PAK1: variants seen among roughly 807,000 people sequenced by gnomAD.
PAK1 encodes serine/threonine-protein kinase PAK 1.
PAK1 carries 29 observed loss-of-function variants against 67.4 expected under a neutral mutation model. The ratio of observed to expected loss-of-function variants is 0.43; its 90% CI spans 0.32 to 0.59. The LOEUF is 0.59. Ranked by LOEUF, PAK1 falls within the 20% of genes least tolerant of loss-of-function variation. The probability of loss-of-function intolerance (pLI) is 0.07; values close to 1 mark genes in which losing one functional copy is unlikely to be tolerated. For missense variants in PAK1, 337 were observed against 670.7 expected, an observed-to-expected ratio of 0.50 and a Z score of 5.50; for synonymous variants, 223 against 237.4, an observed-to-expected ratio of 0.94 and a Z score of 0.56.
the PAK1 span, among the ~76,000 whole-genome samples, chr11:77,500,413 G>A: frequency 6.6e-6 from 1 of 152,072 alleles, no homozygotes; most frequent in South Asian, 2.1e-4. Context: ...GTTGCAGTGA[G>A]CCGAGATTGT....
intron 14 of PAK1, among the ~76,000 whole-genome samples, chr11:77,325,116 C>G (rs1939467476): frequency 6.6e-6 from 1 of 152,198 alleles, no homozygotes; most frequent in South Asian, 2.1e-4. Flanking sequence ...TTTCTCAGAT[C>G]ACATGTTTCT....
chr11:77,378,991 A>AC (rs1949465432), intron 4 of PAK1, among the ~76,000 whole-genome samples: 1 of 152,200 alleles, frequency 6.6e-6, no homozygotes, highest in African/African-American at 2.4e-5. Flanking sequence ...ACCTTCTAGC[A>AC]TAAAACCTGT....
At chr11:77,338,549 T>C (rs1943094378) in intron 11 of PAK1, among the ~76,000 whole-genome samples, 1 of 152,188 alleles carries the variant, frequency 6.6e-6, no homozygotes, top group African/African-American at 2.4e-5. Flanking sequence ...GGAAACAGTT[T>C]GGCAGTTCCT....
At chr11:77,518,767 CCATT>C in the PAK1 span, among the ~76,000 whole-genome samples, 1 of 152,090 alleles carries the variant, frequency 6.6e-6, no homozygotes, top group Non-Finnish European at 1.5e-5. Context: ...GTAACTTTTC[CCATT>C]TATTTTGTTC....
the PAK1 span, among the ~76,000 whole-genome samples, chr11:77,508,344 G>A: frequency 6.6e-6 from 1 of 152,120 alleles, no homozygotes; most frequent in African/African-American, 2.4e-5. Flanking sequence ...ATTCTTACAG[G>A]GGAGTCATTA....
intron 12 of PAK1, 38 bp downstream of exon 12, chr11:77,337,286 G>T: frequency 9.4e-7 from 1 of 1,069,004 alleles, no homozygotes; most frequent in Non-Finnish European, 1.4e-6. Context: ...GGGCCCCACA[G>T]GCAGAGAAGT....
chr11:77,524,776 G>T, the PAK1 span, among the ~76,000 whole-genome samples: 1 of 152,164 alleles, frequency 6.6e-6, no homozygotes, highest in Non-Finnish European at 1.5e-5. Context: ...ACAAGGGCAA[G>T]AATTTTCATT....
At chr11:77,393,587 G>A (rs1951440530) in intron 1 of PAK1, among the ~76,000 whole-genome samples, 1 of 152,174 alleles carries the variant, frequency 6.6e-6, no homozygotes, top group African/African-American at 2.4e-5. Flanking sequence ...GAGAGCCACT[G>A]TGCTTGGCTT....
At chr11:77,487,823 C>T in the PAK1 span, among the ~76,000 whole-genome samples, 16 of 152,264 alleles carry the variant, frequency 1.1e-4, no homozygotes, top group South Asian at 1.7e-3. Context: ...GGCTCCTGGA[C>T]GGCATCTCTG....
At chr11:77,345,180 G>C (rs1467379580) in intron 9 of PAK1, among the ~76,000 whole-genome samples, 1 of 152,104 alleles carries the variant, frequency 6.6e-6, no homozygotes, top group South Asian at 2.1e-4. Flanking sequence ...GTATGTTTGT[G>C]TGTATTGAGA....
the PAK1 span, among the ~76,000 whole-genome samples, chr11:77,483,341 T>C: frequency 2.6e-5 from 4 of 152,094 alleles, no homozygotes; most frequent in Non-Finnish European, 4.4e-5. Flanking sequence ...ACCAAGTCAC[T>C]GAAAAGGAAT....
chr11:77,401,434 T>C (rs1422378987), intron 1 of PAK1, among the ~76,000 whole-genome samples: 1 of 152,200 alleles, frequency 6.6e-6, no homozygotes, highest in Non-Finnish European at 1.5e-5. Context: ...CAGTTTCCTC[T>C]TAGGTAAAAC....
chr11:77,379,423 A>G, intron 3 of PAK1, 35 bp from the exon 4 acceptor site: 1 of 1,597,970 alleles, frequency 6.3e-7, no homozygotes, highest in East Asian at 2.2e-5. Context: ...ACAGGAAGGC[A>G]CAGTCACAGG....
intron 1 of PAK1, among the ~76,000 whole-genome samples, chr11:77,417,366 A>C (rs948185540): frequency 6.6e-6 from 1 of 152,236 alleles, no homozygotes; most frequent in African/African-American, 2.4e-5. Flanking sequence ...TCTAAGTAAA[A>C]GAAGCCAGTC....
chr11:77,381,172 TGTGTAG>T lies in PAK1; in HGVS notation c.191-1184_191-1179del, dbSNP rs766945058. ...GTGTGTGTGTGTGTGTGTGTGTGTG[TGTGTAG>T]AGAGAGAGAGAGAAAGAGAGACCAG... On this transcript the variant is annotated intron_variant, in intron 2 of 14. Transcript: ENST00000356341. Among the ~76,000 whole-genome samples, 489 of 131,100 alleles carry T rather than the reference TGTGTAG, an allele frequency of 3.7e-3. 2 individuals are homozygous for T. Among genetic ancestry groups the T allele is most frequent in the Non-Finnish European group, 5.0e-3 (314 of 62,804 alleles). The allele number at this position is 131,100 out of a possible 152,430, so 86.0% of individuals were successfully genotyped here.
the PAK1 span, among the ~76,000 whole-genome samples, chr11:77,522,381 C>G: frequency 1.3e-5 from 2 of 152,172 alleles, no homozygotes; most frequent in African/African-American, 4.8e-5. Context: ...TTTCTTAGTT[C>G]TGCAAGTTGA....
chr11:77,386,790 T>C (rs767624858), intron 2 of PAK1, among the ~76,000 whole-genome samples: 3 of 152,238 alleles, frequency 2.0e-5, no homozygotes, highest in Non-Finnish European at 4.4e-5. Flanking sequence ...TTAATTATTT[T>C]TGAGACAGAA....
chr11:77,481,019 A>G, the PAK1 span, among the ~76,000 whole-genome samples: 1 of 152,150 alleles, frequency 6.6e-6, no homozygotes, highest in African/African-American at 2.4e-5. Flanking sequence ...GCTTTGTATA[A>G]CATCTTTTTA....
At chr11:77,389,405 T>C (rs1033622258) in intron 2 of PAK1, among the ~76,000 whole-genome samples, 2 of 152,256 alleles carry the variant, frequency 1.3e-5, no homozygotes, top group African/African-American at 4.8e-5. Flanking sequence ...GTACTGCTGG[T>C]AACTCTATGT....
Sources: gnomAD v4.1 joint callset for allele counts (sites outside exome capture counted in the v4.1 genomes callset) on GRCh38, gnomAD v4.1.1 for gene constraint, MANE v1.5 for transcripts, NCBI Gene and HGNC (gene_info 2026-07-23, HGNC 2026-07-21) for gene names.